The following PRKCE variants were observed in gnomAD, a reference collection of about 807,000 sequenced individuals.
PRKCE encodes protein kinase C epsilon type.
In PRKCE, 16 loss-of-function variants were observed where a neutral mutation model predicts 85.4. That is an observed-to-expected ratio of 0.19 (90% confidence interval 0.13 to 0.28). PRKCE has a LOEUF of 0.28. PRKCE is among the 10% of genes least tolerant of loss of function. The pLI is 1.00. For synonymous variants in PRKCE, 388 were observed against 371.5 expected, an observed-to-expected ratio of 1.04 and a Z score of -0.51; for missense variants, 573 against 975.2, an observed-to-expected ratio of 0.59 and a Z score of 5.49.
intron 1 of PRKCE, among the ~76,000 whole-genome samples, chr2:45,739,278 T>C (rs1455756115): frequency 1.3e-5 from 2 of 152,100 alleles, no homozygotes; most frequent in Admixed American, 6.5e-5. Context: ...GAGGAGAAAA[T>C]TATGAGCCTT....
chr2:46,044,553 T>C (rs1246787814), intron 10 of PRKCE, among the ~76,000 whole-genome samples: 1 of 152,212 alleles, frequency 6.6e-6, no homozygotes, highest in Non-Finnish European at 1.5e-5. Flanking sequence ...TTCACCATCT[T>C]GCTCTTGAGT....
At chr2:45,824,233 C>A (rs1259097214) in intron 1 of PRKCE, among the ~76,000 whole-genome samples, 1 of 152,230 alleles carries the variant, frequency 6.6e-6, no homozygotes, top group East Asian at 1.9e-4. Flanking sequence ...TTCCATTAAT[C>A]CTCTCCAATC....
intron 2 of PRKCE, among the ~76,000 whole-genome samples, chr2:45,949,402 G>GTTTTTTTTTTTTTTTTTTTTTTTTTTTT (rs35033431): frequency 8.4e-6 from 1 of 118,746 alleles, no homozygotes. Flanking sequence ...TATTTTGCTT[G>GTTTTTTTTTTTTTTTTTTTTTTTTTTTT]TTTTTTTTTT....
chr2:45,951,025 CTG>C (rs1339071614), intron 2 of PRKCE, among the ~76,000 whole-genome samples: 2 of 152,214 alleles, frequency 1.3e-5, no homozygotes, highest in Non-Finnish European at 2.9e-5. Flanking sequence ...CCAGTCATGA[CTG>C]TGAATTGCAC....
chr2:45,816,418 G>A (rs1368051451), intron 1 of PRKCE, among the ~76,000 whole-genome samples: 4 of 152,172 alleles, frequency 2.6e-5, no homozygotes, highest in Admixed American at 2.6e-4. Context: ...TCCTGGGGAT[G>A]AGACAGCATG....
At chr2:45,819,261 A>G (rs1689327518) in intron 1 of PRKCE, among the ~76,000 whole-genome samples, 1 of 152,230 alleles carries the variant, frequency 6.6e-6, no homozygotes, top group Non-Finnish European at 1.5e-5. Flanking sequence ...CACACAAGGA[A>G]TAATGGGTTT....
chr2:46,096,123 G>C (rs568096146), intron 11 of PRKCE, among the ~76,000 whole-genome samples: 8 of 152,344 alleles, frequency 5.3e-5, no homozygotes, highest in African/African-American at 1.7e-4. Context: ...CACAGAGTTT[G>C]AGGTCAGAAG....
rs1391406953 is a variant in PRKCE at position 46,185,054 on chromosome 2, C to G, written c.*173C>G. ...CCCAGGCCACCTCCTCCCCCTCCCA[C>G]CTGGTGACCAGAAGGCGCTCTCGGT... On this transcript the variant is annotated 3_prime_UTR_variant, in exon 15 of 15. Transcript: ENST00000306156. The surrounding 1 kb of genome is among the most constrained non-coding windows in gnomAD (Gnocchi z 4.7). 9 of 856,930 alleles carry G rather than the reference C, an allele frequency of 1.1e-5. No homozygotes were observed. Among genetic ancestry groups the G allele is most frequent in the Non-Finnish European group, 1.6e-5 (9 of 569,654 alleles). 53.1% of individuals were successfully genotyped at this position (856,930 alleles called of 1,614,324 possible).
Position 45,754,141 on chromosome 2 carries a change from T to C in PRKCE, c.349-88859T>C, listed in dbSNP as rs1037961790. 3.9e-5 allele frequency among the ~76,000 whole-genome samples: 6 copies of C among 152,210 alleles called. No individual in the cohort carries two copies. In the South Asian group the frequency reaches 1.2e-3, roughly 32 times the overall value. The stretch of plus-strand genomic sequence containing the variant: ...AGTTGCAACAAGTGACCCAGAGCTG[T>C]TGAAATGCATCTGAGGTGGGGAAAG... On this transcript the variant is annotated intron_variant, in intron 1 of 14. Transcript: ENST00000306156.
chr2:45,771,552 T>G (rs1312633648), intron 1 of PRKCE, among the ~76,000 whole-genome samples: 1 of 152,146 alleles, frequency 6.6e-6, no homozygotes, highest in African/African-American at 2.4e-5. Context: ...TGGGCCAGGA[T>G]TTTCCTCCCT....
intron 2 of PRKCE, among the ~76,000 whole-genome samples, chr2:45,923,265 A>T (rs1395219259): frequency 6.6e-6 from 1 of 152,216 alleles, no homozygotes; most frequent in Non-Finnish European, 1.5e-5. Flanking sequence ...GTATTGTGAC[A>T]CATATACCTC....
intron 1 of PRKCE, among the ~76,000 whole-genome samples, chr2:45,656,620 T>A (rs1055882718): frequency 6.6e-6 from 1 of 152,186 alleles, no homozygotes; most frequent in Non-Finnish European, 1.5e-5. Flanking sequence ...AGGGAGGGCA[T>A]ATAAAAGATA....
chr2:45,659,866 C>T (rs1272693692), intron 1 of PRKCE, among the ~76,000 whole-genome samples: 2 of 149,626 alleles, frequency 1.3e-5, no homozygotes, highest in Non-Finnish European at 3.0e-5. Flanking sequence ...TTACTCTTAC[C>T]TCTATCTGAT....
At chr2:46,019,449 C>T (rs1214877346) in intron 10 of PRKCE, among the ~76,000 whole-genome samples, 2 of 152,226 alleles carry the variant, frequency 1.3e-5, no homozygotes, top group South Asian at 4.1e-4. Flanking sequence ...TAACCCTGAA[C>T]TGCAGCAAGT....
intron 2 of PRKCE, among the ~76,000 whole-genome samples, chr2:45,974,295 C>T (rs966855050): frequency 2.6e-5 from 4 of 152,220 alleles, no homozygotes; most frequent in African/African-American, 9.6e-5. Flanking sequence ...GACCTGGGTC[C>T]TCCCGTGAGA....
rs77585287 is a variant in PRKCE at position 45,924,425 on chromosome 2, G to T, written c.413-52004G>T. Among the ~76,000 whole-genome samples the T allele has an allele frequency of 9.2e-3, 1,402 of 152,292 alleles. 23 individuals carry two copies. The highest frequency in any genetic ancestry group is 0.032 in the African/African-American group (1,311 of 41,538). ...AGATGTTAAGGAAACAATGATTGTT[G>T]GGATGGGTGGAAAGGAAGCATTCTT... On this transcript the variant is annotated intron_variant, in intron 2 of 14. Coordinates refer to ENST00000306156, the MANE Select transcript of PRKCE (RefSeq NM_005400.3).
chr2:45,733,724 A>T (rs1681789672), intron 1 of PRKCE, among the ~76,000 whole-genome samples: 1 of 152,136 alleles, frequency 6.6e-6, no homozygotes, highest in Non-Finnish European at 1.5e-5. Flanking sequence ...TACGCAGCTA[A>T]GAGTCTCTCT....
At chr2:46,121,894 A>T (rs1173346378) in intron 11 of PRKCE, among the ~76,000 whole-genome samples, 2 of 152,222 alleles carry the variant, frequency 1.3e-5, no homozygotes, top group African/African-American at 4.8e-5. Flanking sequence ...ATTTACAGGG[A>T]ACTTAAAAGG....
chr2:45,674,031 A>G (rs1476274934), intron 1 of PRKCE, among the ~76,000 whole-genome samples: 1 of 152,210 alleles, frequency 6.6e-6, no homozygotes. Flanking sequence ...TTTGCTGCTC[A>G]TCAACTCTCT....
Sources: gnomAD v4.1 joint callset for allele counts (sites outside exome capture counted in the v4.1 genomes callset) on GRCh38, gnomAD v4.1.1 for gene constraint, Gnocchi (gnomAD v3.1) non-coding constraint, MANE v1.5 for transcripts, NCBI Gene and HGNC (gene_info 2026-07-23, HGNC 2026-07-21) for gene names.